ODF2: variants seen among roughly 807,000 people sequenced by gnomAD.
ODF2 encodes outer dense fiber protein 2.
In ODF2, 47 loss-of-function variants were observed where a neutral mutation model predicts 110.2. The observed-to-expected ratio is 0.43, with a 90% CI of 0.34 to 0.54. The LOEUF is 0.54. Among genes scored for constraint, ODF2 ranks in the 20% least tolerant of loss-of-function variants. The probability of loss-of-function intolerance (pLI) is 0.03; values close to 1 mark genes in which losing one functional copy is unlikely to be tolerated. For missense variants in ODF2, 812 were observed against 1,054.5 expected, an observed-to-expected ratio of 0.77 and a Z score of 3.19; for synonymous variants, 352 against 397.7, an observed-to-expected ratio of 0.89 and a Z score of 1.37.
chr9:128,489,649 A>G (rs1478676277), intron 14 of ODF2, among the ~76,000 whole-genome samples: 1 of 152,216 alleles, frequency 6.6e-6, no homozygotes, highest in East Asian at 1.9e-4. Context: ...GTCAGTGGAC[A>G]TTTGGGTTTC....
intron 12 of ODF2, 114 bp downstream of exon 12, chr9:128,485,000 G>A: frequency 8.9e-7 from 1 of 1,126,274 alleles, no homozygotes. Flanking sequence ...AGGGATGGTA[G>A]TGGTGGAAAG....
chr9:128,494,479 C>G lies in ODF2; in HGVS notation c.1753-31C>G. 6.2e-7 allele frequency: 1 copy of G among 1,602,174 alleles called. No individual in the cohort carries two copies. Among genetic ancestry groups the G allele is most frequent in the South Asian group, 1.1e-5 (1 of 90,612 alleles). On this transcript the variant is annotated intron_variant, in intron 16 of 20. Transcript: ENST00000604420. The surrounding 1 kb of genome is among the most constrained non-coding windows in gnomAD (Gnocchi z 4.6). The stretch of plus-strand genomic sequence containing the variant: ...AGGTCTTTCCTAACTGTGGGTCTTT[C>G]CTTCCTGTGGGTCTTTCCTTCCTGT...
intron 18 of ODF2, 100 bp downstream of exon 18, chr9:128,496,241 C>T (rs74771309): frequency 0.012 from 19,529 of 1,567,410 alleles, 150 homozygotes; most frequent in Middle Eastern, 0.033. Context: ...TTGAGGGACT[C>T]GAGGCCCTGG....
intron 13 of ODF2, 138 bp from the exon 14 acceptor site, chr9:128,487,752 A>C: frequency 2.1e-6 from 2 of 974,532 alleles, no homozygotes. Flanking sequence ...GCGCCACTGC[A>C]CTCCAGCCTA....
intron 13 of ODF2, among the ~76,000 whole-genome samples, chr9:128,487,130 A>G (rs1481187434): frequency 2.6e-5 from 4 of 152,024 alleles, no homozygotes. Flanking sequence ...CACCCAGGCT[A>G]TAGTGCAGTG....
intron 5 of ODF2, 156 bp downstream of exon 5, chr9:128,469,509 C>G: frequency 1.4e-6 from 1 of 709,492 alleles, no homozygotes. Context: ...CGGGAGGTAG[C>G]TGGGGCAGCA....
chr9:128,463,726 G>A lies in ODF2; in HGVS notation c.249+2659G>A, dbSNP rs10987998. Among the ~76,000 whole-genome samples the A allele has an allele frequency of 7.5e-5, 11 of 146,082 alleles. No homozygotes were observed. In the East Asian group the frequency reaches 2.0e-3, roughly 27 times the overall value. On this transcript the variant is annotated intron_variant, in intron 4 of 20. Coordinates refer to ENST00000604420, the Ensembl canonical transcript of ODF2. Reference sequence around the variant, plus strand: ...TGTATAAACGCATATGTTTGTATGTGCAGAACGTTTTCTGGGAGAATATGT... The same window carrying A: ...TGTATAAACGCATATGTTTGTATGTACAGAACGTTTTCTGGGAGAATATGT...
At chr9:128,480,804 C>T (rs529801723) in intron 8 of ODF2, among the ~76,000 whole-genome samples, 4 of 150,442 alleles carry the variant, frequency 2.7e-5, no homozygotes, top group South Asian at 2.1e-4. Flanking sequence ...GGGACAAGAG[C>T]GAGACTTCCT....
rs1845429045 is a variant in ODF2, at chr9:128,495,532, C to T, written c.1912-509C>T. ...CTGAGCATTCTCAGGGACTTTGAGCCTTGATAGCTGAGGCTTCTGCATAAA... is the reference window on the plus strand; with the variant it reads ...CTGAGCATTCTCAGGGACTTTGAGCTTTGATAGCTGAGGCTTCTGCATAAA... On this transcript the variant is annotated intron_variant, in intron 17 of 20. Transcript: ENST00000604420. 2.0e-5 allele frequency among the ~76,000 whole-genome samples: 3 copies of T among 152,352 alleles called. No individual in the cohort carries two copies. The South Asian group carries it at 6.2e-4, about 32-fold the overall frequency.
chr9:128,456,818 C>G (rs922509042), intron 1 of ODF2: 3 of 1,167,600 alleles, frequency 2.6e-6, no homozygotes, highest in Non-Finnish European at 3.3e-6. Context: ...GAACTCTGTT[C>G]GGTTTTCCCT....
chr9:128,469,198 C>T (rs1463878128), exon 5 of ODF2: 3 of 1,613,896 alleles, frequency 1.9e-6, no homozygotes, highest in Admixed American at 3.3e-5. Context: ...ACCTCATTGC[C>T]TGGAGATCAC....
chr9:128,477,583 G>C (rs1841560088), intron 8 of ODF2, among the ~76,000 whole-genome samples: 1 of 151,864 alleles, frequency 6.6e-6, no homozygotes, highest in African/African-American at 2.4e-5. Flanking sequence ...GTAATGTAAA[G>C]TGGTATCCTC....
At chr9:128,460,476 T>C in intron 3 of ODF2, 74 bp from the exon 3 acceptor site, 2 of 1,578,414 alleles carry the variant, frequency 1.3e-6, no homozygotes, top group Admixed American at 1.8e-5. Context: ...CCAGAGGCTG[T>C]GAGCTCTGTT....
rs1845324972 is a variant in ODF2 at position 128,494,921 on chromosome 9, C to T, written c.1911+253C>T. On this transcript the variant is annotated intron_variant, in intron 17 of 20. Transcript: ENST00000604420. The surrounding 1 kb of genome is among the most constrained non-coding windows in gnomAD (Gnocchi z 4.6). ...TGGGCCCTCCTGCTGTTGCCCCCACCCAAGACTGCTGCCTCTGCCTGTGTG... is the reference window on the plus strand; with the variant it reads ...TGGGCCCTCCTGCTGTTGCCCCCACTCAAGACTGCTGCCTCTGCCTGTGTG... 1.7e-6 allele frequency: 2 copies of T among 1,211,460 alleles called. No individual in the cohort carries two copies. Among genetic ancestry groups the T allele is most frequent in the African/African-American group, 1.5e-5 (1 of 65,718 alleles). 75.0% of individuals were successfully genotyped at this position (1,211,460 alleles called of 1,614,324 possible). A position where few individuals can be genotyped will look rare whatever the true frequency, so the allele number is the denominator to read the frequency against.
chr9:128,473,614 A>C, exon 8 of ODF2: 1 of 1,613,396 alleles, frequency 6.2e-7, no homozygotes, highest in South Asian at 1.1e-5. Flanking sequence ...TTCCAGGAGA[A>C]ACAAATGACC....
At chr9:128,482,082 C>T (rs918134935) in intron 9 of ODF2, among the ~76,000 whole-genome samples, 33 of 152,182 alleles carry the variant, frequency 2.2e-4, no homozygotes, top group African/African-American at 8.0e-4. Flanking sequence ...TTAATGAGTG[C>T]AAGAAACCGA....
At chr9:128,492,145 G>A (rs977379709) in intron 14 of ODF2, among the ~76,000 whole-genome samples, 6 of 152,148 alleles carry the variant, frequency 3.9e-5, no homozygotes, top group South Asian at 2.1e-4. Context: ...GATTATAGGC[G>A]TGAGCCACCG....
chr9:128,460,187 G>T (rs1310059347), intron 3 of ODF2: 1 of 1,303,062 alleles, frequency 7.7e-7, no homozygotes, highest in South Asian at 1.2e-5. Flanking sequence ...GGATCCGCCT[G>T]CTTTCCGCTG....
intron 4 of ODF2, among the ~76,000 whole-genome samples, chr9:128,463,924 A>G (rs1049629353): frequency 6.6e-6 from 1 of 152,118 alleles, no homozygotes; most frequent in Non-Finnish European, 1.5e-5. Flanking sequence ...GGCTCACTGC[A>G]ACCTCCACCT....
Sources: allele counts gnomAD v4.1 joint callset (sites outside exome capture counted in the v4.1 genomes callset), GRCh38; gene constraint gnomAD v4.1.1; non-coding constraint Gnocchi (gnomAD v3.1); transcripts MANE v1.5; gene names NCBI Gene and HGNC (gene_info 2026-07-23, HGNC 2026-07-21).